Variants in RBM47 observed in about 807,000 individuals in gnomAD.
The protein encoded by RBM47 is RNA binding motif protein 47.
RBM47 carries 21 observed loss-of-function variants against 47.1 expected under a neutral mutation model. The observed-to-expected ratio is 0.45, with a 90% CI of 0.32 to 0.64. RBM47 has a LOEUF of 0.64. RBM47 is among the 30% of genes least tolerant of loss of function. The probability of loss-of-function intolerance (pLI) is 0.05; values close to 1 mark genes in which losing one functional copy is unlikely to be tolerated. For missense variants in RBM47, 708 were observed against 870.9 expected, an observed-to-expected ratio of 0.81 and a Z score of 2.35; for synonymous variants, 375 against 361.7, an observed-to-expected ratio of 1.04 and a Z score of -0.42.
At chr4:40,534,056 C>A (rs1727672545) in intron 2 of RBM47, among the ~76,000 whole-genome samples, 1 of 151,972 alleles carries the variant, frequency 6.6e-6, no homozygotes, top group Non-Finnish European at 1.5e-5. Flanking sequence ...CTCAGGTGAT[C>A]CACATGCCTC....
rs1428761196 is a variant in RBM47, at chr4:40,432,832, G to C, written c.1361C>G (p.Ser454Cys). 6.8e-6 allele frequency: 11 copies of C among 1,613,638 alleles called. No individual in the cohort carries two copies. The highest frequency in any genetic ancestry group is 1.3e-5 in the African/African-American group (1 of 74,902). Residue 454 changes from serine to cysteine, a missense_variant, in exon 6 of 7, where the codon TCC becomes TGC. Ser to Cys is a moderately radical substitution (Grantham distance 112, BLOSUM62 -1). Coordinates refer to ENST00000295971, the MANE Select transcript of RBM47 (RefSeq NM_001098634.2). ...VAIPAIGAQY[S>C]MFPAAPAPKM... ...AGGGGCTGGAGCTGCTGGAAACATGGAATACTGAGCCCCAATGGCAGGGAT... is the reference window on the plus strand; with the variant it reads ...AGGGGCTGGAGCTGCTGGAAACATGCAATACTGAGCCCCAATGGCAGGGAT...
intron 1 of RBM47, among the ~76,000 whole-genome samples, chr4:40,610,023 G>A (rs1286249163): frequency 1.3e-5 from 2 of 151,882 alleles, no homozygotes; most frequent in Admixed American, 6.6e-5. Context: ...ACCGGGAGGC[G>A]GAGGTTGCAG....
chr4:40,439,405 A>T (rs999818345), intron 3 of RBM47, among the ~76,000 whole-genome samples: 2 of 152,226 alleles, frequency 1.3e-5, no homozygotes, highest in African/African-American at 4.8e-5. Flanking sequence ...ATTTTAAATT[A>T]TTAAAGAAAA....
At chr4:40,598,700 T>C (rs1278303484) in intron 1 of RBM47, among the ~76,000 whole-genome samples, 1 of 152,184 alleles carries the variant, frequency 6.6e-6, no homozygotes, top group Non-Finnish European at 1.5e-5. Flanking sequence ...AATGATGTAA[T>C]ATAGTAAGAG....
At position 40,579,907 on chromosome 4, in the gene RBM47, C is replaced by T. The variant is rs1051957686; in HGVS notation, c.-239-35401G>A. Among the ~76,000 whole-genome samples the T allele has an allele frequency of 3.5e-4, 53 of 151,950 alleles. 1 individual carries two copies. The highest frequency in any genetic ancestry group is 2.8e-3 in the Admixed American group (43 of 15,230). Reference sequence around the variant, plus strand: ...TGACCACAGGTGCACACTACCATGCCTGTCTATTTTTTTAAATTATTTTTT... The same window carrying T: ...TGACCACAGGTGCACACTACCATGCTTGTCTATTTTTTTAAATTATTTTTT... On this transcript the variant is annotated intron_variant, in intron 1 of 6. Coordinates refer to ENST00000295971, the MANE Select transcript of RBM47 (RefSeq NM_001098634.2).
At chr4:40,625,770 G>A (rs1436970516) in intron 1 of RBM47, among the ~76,000 whole-genome samples, 2 of 152,106 alleles carry the variant, frequency 1.3e-5, no homozygotes, top group African/African-American at 4.8e-5. Context: ...CGTGATTTGG[G>A]GAGACTGGAT....
chr4:40,465,124 C>T (rs918043262), intron 3 of RBM47, among the ~76,000 whole-genome samples: 1 of 151,904 alleles, frequency 6.6e-6, no homozygotes, highest in Non-Finnish European at 1.5e-5. Flanking sequence ...TGGACTAAAT[C>T]CAAAACCCAG....
At chr4:40,601,186 G>C (rs1735255393) in intron 1 of RBM47, among the ~76,000 whole-genome samples, 1 of 152,050 alleles carries the variant, frequency 6.6e-6, no homozygotes, top group Admixed American at 6.6e-5. Flanking sequence ...GATCTGCTTT[G>C]CTATAATTAG....
At chr4:40,522,284 C>A (rs1726268515) in intron 2 of RBM47, among the ~76,000 whole-genome samples, 1 of 152,194 alleles carries the variant, frequency 6.6e-6, no homozygotes, top group South Asian at 2.1e-4. Flanking sequence ...GCTGGCAGAT[C>A]ACCTGAGGTC....
intron 1 of RBM47, among the ~76,000 whole-genome samples, chr4:40,588,571 TG>T (rs1465215312): frequency 1.3e-5 from 2 of 152,116 alleles, no homozygotes; most frequent in East Asian, 3.9e-4. Context: ...CTGACAGGGA[TG>T]AGAGCCTAGA....
intron 1 of RBM47, among the ~76,000 whole-genome samples, chr4:40,618,525 T>G (rs534093654): frequency 1.1e-4 from 17 of 152,134 alleles, no homozygotes; most frequent in African/African-American, 3.9e-4. Flanking sequence ...AGGGGGAAAC[T>G]TCTAGCTGGG....
intron 3 of RBM47, among the ~76,000 whole-genome samples, chr4:40,456,027 T>C (rs760530038): frequency 2.0e-5 from 3 of 152,240 alleles, no homozygotes; most frequent in Non-Finnish European, 4.4e-5. Context: ...TACATTTATG[T>C]GAGAAAGTGC....
chr4:40,623,345 G>C (rs562006591), intron 1 of RBM47, among the ~76,000 whole-genome samples: 1 of 152,194 alleles, frequency 6.6e-6, no homozygotes, highest in Non-Finnish European at 1.5e-5. Flanking sequence ...GATTTCACTA[G>C]AGGCAATTCT....
At chr4:40,446,897 G>C (rs752043293) in intron 3 of RBM47, among the ~76,000 whole-genome samples, 19 of 152,142 alleles carry the variant, frequency 1.2e-4, no homozygotes, top group Non-Finnish European at 2.6e-4. Flanking sequence ...GAGAAGCCTA[G>C]CCTGTGAGTT....
chr4:40,446,642 G>A (rs1013367118), intron 3 of RBM47, among the ~76,000 whole-genome samples: 2 of 150,682 alleles, frequency 1.3e-5, no homozygotes, highest in Non-Finnish European at 2.9e-5. Flanking sequence ...GGGAGGCTGA[G>A]GTGGGAAGAT....
intron 1 of RBM47, among the ~76,000 whole-genome samples, chr4:40,601,980 C>T (rs1442138263): frequency 6.6e-6 from 1 of 151,902 alleles, no homozygotes; most frequent in Admixed American, 6.6e-5. Flanking sequence ...ACCAGCCTGG[C>T]CAACATGGTG....
chr4:40,468,397 T>C (rs992967897), intron 2 of RBM47, among the ~76,000 whole-genome samples: 3 of 152,242 alleles, frequency 2.0e-5, no homozygotes, highest in Non-Finnish European at 2.9e-5. Flanking sequence ...TAGCACACTT[T>C]TTTCCACCAA....
At chr4:40,577,477 C>T (rs1476334942) in intron 1 of RBM47, among the ~76,000 whole-genome samples, 2 of 151,500 alleles carry the variant, frequency 1.3e-5, no homozygotes, top group African/African-American at 2.4e-5. Context: ...GCTCAGAGAA[C>T]AGCTCAAGTG....
intron 2 of RBM47, among the ~76,000 whole-genome samples, chr4:40,518,153 C>CTTTCCTTTTTT (rs1560439940): frequency 1.0e-5 from 1 of 99,546 alleles, no homozygotes; most frequent in African/African-American, 3.5e-5. Flanking sequence ...TGTTTCTTTT[C>CTTTCCTTTTTT]TTTTCTTTTT....
Sources: allele counts gnomAD v4.1 joint callset (sites outside exome capture counted in the v4.1 genomes callset), GRCh38; gene constraint gnomAD v4.1.1; transcripts MANE v1.5; gene names NCBI Gene and HGNC (gene_info 2026-07-23, HGNC 2026-07-21).